The following AGBL1 variants were observed in gnomAD, a reference collection of about 807,000 sequenced individuals.
The protein encoded by AGBL1 is AGBL carboxypeptidase 1, also known as cytosolic carboxypeptidase 4.
In AGBL1, 130 loss-of-function variants were observed where a neutral mutation model predicts 118.9. That is an observed-to-expected ratio of 1.09 (90% CI 0.95 to 1.26). The LOEUF is 1.26. AGBL1 is among the 50% of genes most tolerant of loss of function. AGBL1 has a pLI of 0.00. For synonymous variants in AGBL1, 555 were observed against 478.9 expected (o/e 1.16, Z -2.08); for missense variants, 1,584 against 1,298.1 (o/e 1.22, Z -3.38).
In AGBL1 at chr15:86,706,998, T is replaced by G. The variant is rs796381298; in HGVS notation, c.3158+32562T>G. ...AATAGATATAATAAGAGATGGACTT[T>G]GCATTTACTGATAATGATGATGCAA... On this transcript the variant is annotated intron_variant, in intron 22 of 22. Coordinates refer to ENST00000614907, the MANE Select transcript of AGBL1 (RefSeq NM_001386094.1). 6.6e-4 allele frequency among the ~76,000 whole-genome samples: 100 copies of G among 152,244 alleles called. 1 individual carries two copies. The highest frequency in any genetic ancestry group is 2.2e-3 in the African/African-American group (93 of 41,566).
At chr15:86,392,255 A>G (rs2081298702) in intron 17 of AGBL1, among the ~76,000 whole-genome samples, 2 of 152,154 alleles carry the variant, frequency 1.3e-5, no homozygotes, top group South Asian at 4.1e-4. Flanking sequence ...TGTTGACAGA[A>G]AAAGACTTAT....
chr15:86,679,336 G>T (rs1046656328), intron 22 of AGBL1, among the ~76,000 whole-genome samples: 1 of 151,878 alleles, frequency 6.6e-6, no homozygotes, highest in African/African-American at 2.4e-5. Context: ...ATTTAAAAAA[G>T]TTTTGTTCAT....
At chr15:86,658,165 T>G (rs2085489908) in intron 21 of AGBL1, among the ~76,000 whole-genome samples, 1 of 152,120 alleles carries the variant, frequency 6.6e-6, no homozygotes, top group African/African-American at 2.4e-5. Context: ...CCTTAATGTA[T>G]TCTCGTAGCA....
chr15:86,485,596 T>C (rs1237115094), intron 18 of AGBL1, among the ~76,000 whole-genome samples: 1 of 152,102 alleles, frequency 6.6e-6, no homozygotes, highest in African/African-American at 2.4e-5. Context: ...AATTTTAAAT[T>C]TTACATAATT....
intron 22 of AGBL1, among the ~76,000 whole-genome samples, chr15:86,805,797 A>G (rs1341452862): frequency 3.9e-5 from 6 of 152,272 alleles, no homozygotes; most frequent in Admixed American, 3.9e-4. Flanking sequence ...CAACTACAAC[A>G]CACTCAACCA....
intron 1 of AGBL1, among the ~76,000 whole-genome samples, chr15:86,103,423 T>C (rs1050636488): frequency 7.2e-5 from 11 of 152,224 alleles, no homozygotes; most frequent in Non-Finnish European, 1.5e-4. Context: ...TGCTTTTTCA[T>C]GTTTCGTTTG....
At chr15:87,030,909 C>A (rs548358884), downstream of AGBL1, among the ~76,000 whole-genome samples, 3 of 151,894 alleles carry the variant, frequency 2.0e-5, no homozygotes, top group East Asian at 3.9e-4. Flanking sequence ...TAGGATGTTG[C>A]GGCTGAGCTG....
intron 18 of AGBL1, among the ~76,000 whole-genome samples, chr15:86,437,842 A>G (rs550938317): frequency 5.6e-4 from 86 of 152,226 alleles, no homozygotes; most frequent in African/African-American, 2.0e-3. Context: ...TCAATTGCCA[A>G]CCAAATGTCA....
chr15:86,162,576 A>C (rs1461570936), intron 5 of AGBL1, among the ~76,000 whole-genome samples: 1 of 152,050 alleles, frequency 6.6e-6, no homozygotes, highest in East Asian at 1.9e-4. Flanking sequence ...CCACTTCCCA[A>C]ATACCCACCA....
chr15:86,753,587 G>C (rs564545200), intron 22 of AGBL1, among the ~76,000 whole-genome samples: 1 of 151,742 alleles, frequency 6.6e-6, no homozygotes, highest in South Asian at 2.1e-4. Context: ...TAGTAGAGAC[G>C]GGGTTTCACC....
At chr15:86,594,823 C>A (rs528584986) in intron 21 of AGBL1, among the ~76,000 whole-genome samples, 10 of 152,294 alleles carry the variant, frequency 6.6e-5, no homozygotes, top group African/African-American at 2.4e-4. Flanking sequence ...TATCTGATTT[C>A]ACTACTTGTA....
At chr15:86,624,421 G>T (rs1261998787) in intron 21 of AGBL1, among the ~76,000 whole-genome samples, 1 of 152,208 alleles carries the variant, frequency 6.6e-6, no homozygotes, top group African/African-American at 2.4e-5. Flanking sequence ...CAGTGCCATG[G>T]TTTGAGTAAG....
At chr15:86,336,604 G>T (rs2080372888) in intron 17 of AGBL1, among the ~76,000 whole-genome samples, 1 of 152,156 alleles carries the variant, frequency 6.6e-6, no homozygotes, top group Admixed American at 6.5e-5. Flanking sequence ...GGGGTGAGGG[G>T]TGTTTCATCA....
intron 21 of AGBL1, among the ~76,000 whole-genome samples, chr15:86,660,448 C>T (rs1004874546): frequency 5.3e-5 from 8 of 152,180 alleles, no homozygotes; most frequent in African/African-American, 1.9e-4. Context: ...ATCATCCTCT[C>T]TTCAAATCTA....
At chr15:86,464,480 A>G (rs186516711) in intron 18 of AGBL1, among the ~76,000 whole-genome samples, 7 of 152,282 alleles carry the variant, frequency 4.6e-5, no homozygotes, top group Middle Eastern at 3.4e-3. Flanking sequence ...TACTATGTTG[A>G]ATAGGAGTGG....
chr15:86,511,365 T>G (rs942448840), intron 18 of AGBL1, among the ~76,000 whole-genome samples: 1 of 152,008 alleles, frequency 6.6e-6, no homozygotes, highest in African/African-American at 2.4e-5. Flanking sequence ...TGAGACACAT[T>G]GGTTCATATA....
chr15:86,335,767 G>C (rs565303939), intron 17 of AGBL1, among the ~76,000 whole-genome samples: 2 of 152,202 alleles, frequency 1.3e-5, no homozygotes, highest in East Asian at 1.9e-4. Context: ...AAAGGAAACT[G>C]TAAGAAATGA....
At chr15:86,421,445 C>T (rs1362873784) in intron 18 of AGBL1, among the ~76,000 whole-genome samples, 2 of 152,180 alleles carry the variant, frequency 1.3e-5, no homozygotes, top group African/African-American at 4.8e-5. Context: ...GCAAGAGCTT[C>T]TGAAGGAAGT....
chr15:86,992,270 G>T (rs1320265783), intron 24 of AGBL1, among the ~76,000 whole-genome samples: 3 of 152,190 alleles, frequency 2.0e-5, no homozygotes, highest in Middle Eastern at 3.4e-3. Flanking sequence ...TGAGGAATCT[G>T]CCCCCATGAC....
Sources: gnomAD v4.1 joint callset for allele counts (sites outside exome capture counted in the v4.1 genomes callset) on GRCh38, gnomAD v4.1.1 for gene constraint, MANE v1.5 for transcripts, NCBI Gene and HGNC (gene_info 2026-07-23, HGNC 2026-07-21) for gene names.